The following SPOCK3 variants were observed in gnomAD, a reference collection of about 807,000 sequenced individuals.
SPOCK3 encodes testican-3.
In SPOCK3, 30 loss-of-function variants were observed where a neutral mutation model predicts 56.6. The ratio of observed to expected loss-of-function variants is 0.53; its 90% CI spans 0.40 to 0.72. SPOCK3 has a LOEUF of 0.72. Ranked by LOEUF, SPOCK3 falls within the 30% of genes least tolerant of loss-of-function variation. The probability of loss-of-function intolerance (pLI) is 0.00; values close to 1 mark genes in which losing one functional copy is unlikely to be tolerated. For missense variants in SPOCK3, 527 were observed against 530.0 expected, an observed-to-expected ratio of 0.99 and a Z score of 0.06; for synonymous variants, 196 against 183.3, an observed-to-expected ratio of 1.07 and a Z score of -0.56.
At chr4:167,046,354 G>C (rs1219118105) in intron 3 of SPOCK3, among the ~76,000 whole-genome samples, 1 of 149,678 alleles carries the variant, frequency 6.7e-6, no homozygotes, top group African/African-American at 2.5e-5. Flanking sequence ...TCCTGCATCA[G>C]TGCTTGTTGT....
intron 6 of SPOCK3, among the ~76,000 whole-genome samples, chr4:166,860,390 C>A (rs147892483): frequency 1.6e-3 from 238 of 151,958 alleles, no homozygotes; most frequent in Non-Finnish European, 1.9e-3. Context: ...ATTTTTTACA[C>A]CACTGTGAGA....
intron 6 of SPOCK3, among the ~76,000 whole-genome samples, chr4:166,867,486 T>C (rs547341427): frequency 6.6e-6 from 1 of 151,970 alleles, no homozygotes; most frequent in South Asian, 2.1e-4. Context: ...TATTATTATT[T>C]AATAAGTAAT....
intron 3 of SPOCK3, among the ~76,000 whole-genome samples, chr4:167,010,747 A>G (rs1372512749): frequency 6.6e-6 from 1 of 152,142 alleles, no homozygotes; most frequent in Non-Finnish European, 1.5e-5. Context: ...ATGAGCAATA[A>G]ACTGATAAAA....
At chr4:167,222,640 T>TG (rs1332286019) in intron 2 of SPOCK3, among the ~76,000 whole-genome samples, 1 of 139,782 alleles carries the variant, frequency 7.2e-6, no homozygotes, top group East Asian at 2.1e-4. Context: ...AGATATATAT[T>TG]ATATATTCAT....
intron 4 of SPOCK3, among the ~76,000 whole-genome samples, chr4:166,971,120 A>T (rs1337838439): frequency 6.6e-6 from 1 of 152,220 alleles, no homozygotes; most frequent in Non-Finnish European, 1.5e-5. Context: ...TAATTTACAT[A>T]CTTCAGAAGA....
intron 6 of SPOCK3, among the ~76,000 whole-genome samples, chr4:166,799,166 A>C (rs985172569): frequency 6.6e-6 from 1 of 152,140 alleles, no homozygotes; most frequent in Non-Finnish European, 1.5e-5. Context: ...TGCAGGAGCA[A>C]TAGTTTATGG....
Position 167,191,012 on chromosome 4 carries a change from G to A in SPOCK3, c.189+42973C>T, listed in dbSNP as rs184052655. On this transcript the variant is annotated intron_variant, in intron 2 of 10. Transcript: ENST00000357545. ...TTTTTATGCCAGAACATACTGTTTC[G>A]ATTACTATAGCTTTGCTTTGTAGTA... Among the ~76,000 whole-genome samples, 129 of 145,662 alleles carry A rather than the reference G, an allele frequency of 8.9e-4. 11 individuals carry two copies. In the Middle Eastern group the frequency reaches 0.011, roughly 12 times the overall value.
intron 2 of SPOCK3, among the ~76,000 whole-genome samples, chr4:167,198,369 T>C (rs550410272): frequency 9.2e-5 from 14 of 152,246 alleles, no homozygotes; most frequent in Admixed American, 9.2e-4. Flanking sequence ...TGGTTATAGA[T>C]GTCTCAGAGC....
chr4:166,887,484 G>A (rs909253869), intron 6 of SPOCK3, among the ~76,000 whole-genome samples: 2 of 152,100 alleles, frequency 1.3e-5, no homozygotes, highest in Non-Finnish European at 2.9e-5. Context: ...TTGTGAAAAT[G>A]TACTCCATCA....
At chr4:166,755,952 T>C (rs530218661) in intron 7 of SPOCK3, among the ~76,000 whole-genome samples, 1,097 of 8,274 alleles carry the variant, frequency 0.13, 460 homozygotes, top group African/African-American at 0.36. Flanking sequence ...AAGACGGTGA[T>C]TTCTGCATTT....
At chr4:167,180,451 C>A (rs1042444448) in intron 2 of SPOCK3, among the ~76,000 whole-genome samples, 1 of 152,090 alleles carries the variant, frequency 6.6e-6, no homozygotes, top group African/African-American at 2.4e-5. Flanking sequence ...GCCACAATCA[C>A]GAGCTCAAGT....
intron 5 of SPOCK3, among the ~76,000 whole-genome samples, chr4:166,900,233 ACAGTG>A (rs1735891501): frequency 6.6e-6 from 1 of 152,210 alleles, no homozygotes; most frequent in South Asian, 2.1e-4. Context: ...CACTCTGACA[ACAGTG>A]CACTTTTTAT....
At chr4:167,229,214 A>G (rs1249429799) in intron 2 of SPOCK3, among the ~76,000 whole-genome samples, 7 of 152,320 alleles carry the variant, frequency 4.6e-5, no homozygotes, top group African/African-American at 1.7e-4. Context: ...TATCCAAATT[A>G]CAAATAAATC....
At chr4:167,019,981 TA>T (rs1280992554) in intron 3 of SPOCK3, among the ~76,000 whole-genome samples, 78 of 152,226 alleles carry the variant, frequency 5.1e-4, no homozygotes, top group Middle Eastern at 6.8e-3. Flanking sequence ...CATGGGTTGC[TA>T]TGAGTGACTG....
At chr4:167,116,625 A>ACG (rs376166993) in intron 2 of SPOCK3, among the ~76,000 whole-genome samples, 7,444 of 125,104 alleles carry the variant, frequency 0.06, 654 homozygotes, top group African/African-American at 0.17. Flanking sequence ...ATATATATAC[A>ACG]TATATACTAT....
intron 3 of SPOCK3, among the ~76,000 whole-genome samples, chr4:167,044,818 G>A (rs563294207): frequency 6.6e-6 from 1 of 152,128 alleles, no homozygotes; most frequent in East Asian, 1.9e-4. Context: ...GTCCAGGTGT[G>A]TTTTATGTCA....
intron 3 of SPOCK3, among the ~76,000 whole-genome samples, chr4:167,054,542 G>T (rs1287680916): frequency 2.0e-5 from 3 of 152,266 alleles, no homozygotes; most frequent in East Asian, 1.9e-4. Context: ...CACTAATGAA[G>T]AGAAGTAATA....
At chr4:166,740,865 G>A (rs1734773266) in intron 9 of SPOCK3, among the ~76,000 whole-genome samples, 1 of 152,142 alleles carries the variant, frequency 6.6e-6, no homozygotes, top group East Asian at 1.9e-4. Flanking sequence ...GGTATCTCCT[G>A]CATCTTGTAA....
chr4:166,965,386 A>G (rs1251616176), intron 4 of SPOCK3, among the ~76,000 whole-genome samples: 1 of 139,424 alleles, frequency 7.2e-6, no homozygotes, highest in Non-Finnish European at 1.6e-5. Flanking sequence ...AGAATTTTCT[A>G]TTATTGTTTT....
Sources: gnomAD v4.1 joint callset for allele counts (sites outside exome capture counted in the v4.1 genomes callset) on GRCh38, gnomAD v4.1.1 for gene constraint, MANE v1.5 for transcripts, NCBI Gene and HGNC (gene_info 2026-07-23, HGNC 2026-07-21) for gene names.